The following PDE5A variants were observed in gnomAD, a reference collection of about 807,000 sequenced individuals.
The protein encoded by PDE5A is phosphodiesterase 5A.
PDE5A carries 67 observed loss-of-function variants against 110.2 expected under a neutral mutation model. The ratio of observed to expected loss-of-function variants is 0.61; its 90% CI spans 0.50 to 0.75. The LOEUF (loss-of-function observed/expected upper bound fraction) is 0.75, where lower values mean the gene tolerates loss of function less well. PDE5A is among the 30% of genes least tolerant of loss of function. The pLI, the probability that PDE5A is intolerant of heterozygous loss-of-function variation, is 0.00. For synonymous variants in PDE5A, 328 were observed against 351.2 expected (o/e 0.93, Z 0.74); for missense variants, 862 against 1,045.1 (o/e 0.82, Z 2.42).
chr4:119,543,342 G>A (rs1331787415), intron 9 of PDE5A: 1 of 152,012 alleles, frequency 6.6e-6, no homozygotes, highest in Non-Finnish European at 1.5e-5. Context: ...TGTGAGGAGT[G>A]ACCTCACAGA....
intron 3 of PDE5A, among the ~76,000 whole-genome samples, chr4:119,573,349 T>C (rs1728207926): frequency 1.3e-5 from 2 of 152,202 alleles, no homozygotes; most frequent in South Asian, 2.1e-4. Flanking sequence ...TCTGGTGTTA[T>C]CAGACTTTTT....
intron 9 of PDE5A, among the ~76,000 whole-genome samples, chr4:119,547,106 G>T (rs1578763090): frequency 8.2e-5 from 11 of 134,292 alleles, no homozygotes; most frequent in African/African-American, 1.1e-4. Flanking sequence ...TTGGGCAATA[G>T]TTTTTTTTTT....
At chr4:119,609,926 T>A (rs1001673526) in intron 1 of PDE5A, among the ~76,000 whole-genome samples, 12 of 152,154 alleles carry the variant, frequency 7.9e-5, no homozygotes, top group Admixed American at 3.3e-4. Flanking sequence ...AATTTAAAAA[T>A]ATCCAATGAG....
At chr4:119,561,415 T>G (rs565146659) in intron 6 of PDE5A, among the ~76,000 whole-genome samples, 68 of 152,326 alleles carry the variant, frequency 4.5e-4, no homozygotes, top group Non-Finnish European at 8.2e-4. Context: ...AAGCAAAATA[T>G]CTTAATAAGC....
intron 1 of PDE5A, among the ~76,000 whole-genome samples, chr4:119,618,409 C>T (rs1317478678): frequency 6.6e-6 from 1 of 151,942 alleles, no homozygotes; most frequent in African/African-American, 2.4e-5. Flanking sequence ...AATAACTTCT[C>T]TACAGAGGTA....
chr4:119,511,320 A>G (rs1385560158), intron 14 of PDE5A, among the ~76,000 whole-genome samples, 186 bp from the exon 15 acceptor site: 1 of 152,096 alleles, frequency 6.6e-6, no homozygotes, highest in Non-Finnish European at 1.5e-5. Flanking sequence ...AAAGAGTCAA[A>G]TTGTTTTCAA....
chr4:119,542,389 T>G, intron 10 of PDE5A, 70 bp downstream of exon 10: 1 of 1,411,188 alleles, frequency 7.1e-7, no homozygotes, highest in East Asian at 2.3e-5. Flanking sequence ...ACACCATGAG[T>G]GATTATGAGG....
chr4:119,505,510 T>A (rs1028081506), intron 17 of PDE5A, among the ~76,000 whole-genome samples: 5 of 151,948 alleles, frequency 3.3e-5, no homozygotes, highest in African/African-American at 1.2e-4. Context: ...ATTTTGCAGC[T>A]ATATCTTACT....
chr4:119,592,843 A>T (rs1206318547), intron 3 of PDE5A, among the ~76,000 whole-genome samples: 11 of 152,098 alleles, frequency 7.2e-5, no homozygotes, highest in Non-Finnish European at 1.6e-4. Context: ...GGTAAAACAG[A>T]CACCAGCAGG....
At chr4:119,505,548 G>T (rs1725521694) in intron 17 of PDE5A, among the ~76,000 whole-genome samples, 1 of 151,800 alleles carries the variant, frequency 6.6e-6, no homozygotes, top group African/African-American at 2.4e-5. Context: ...TCCATTTTCA[G>T]CACTTCCATT....
chr4:119,603,926 C>A (rs979054189), intron 2 of PDE5A, among the ~76,000 whole-genome samples: 3 of 152,116 alleles, frequency 2.0e-5, no homozygotes, highest in Non-Finnish European at 2.9e-5. Flanking sequence ...TGACTACTTT[C>A]AAAAAACATA....
rs780569076 is a variant in PDE5A, at chr4:119,607,157, G to C, written c.293C>G (p.Thr98Ser). The C allele has an allele frequency of 6.2e-7, 1 of 1,614,106 alleles. No homozygotes were observed. Among genetic ancestry groups the C allele is most frequent in the South Asian group, 1.1e-5 (1 of 91,082 alleles). The change falls in exon 2 of 21, where the codon ACC becomes AGC. Residue 98 changes from threonine (T) to serine (S), a missense_variant. Physicochemically the swap from Thr to Ser is moderately conservative, Grantham distance 58 (BLOSUM62 1). Transcript: ENST00000354960. ...AAATTCAGAGGCAGAGATTTTCCTG[G>C]TTGGTGTTCCAGGGGCACTGTTATC... ...RADNSAPGTP[T>S]RKISASEFDR...
intron 1 of PDE5A, 110 bp downstream of exon 1, chr4:119,628,410 A>G: frequency 1.2e-6 from 1 of 842,700 alleles, no homozygotes; most frequent in Non-Finnish European, 1.9e-6. Context: ...TCGTAACAGG[A>G]CCGAGGACCT....
At chr4:119,560,399 G>C in intron 6 of PDE5A, 36 bp from the exon 7 acceptor site, 1 of 1,436,196 alleles carries the variant, frequency 7.0e-7, no homozygotes, top group Non-Finnish European at 9.6e-7. Flanking sequence ...AAATAAGTTT[G>C]ACAAGGTAAT....
At chr4:119,506,073 A>T (rs1289933067) in intron 16 of PDE5A, 141 bp from the exon 17 acceptor site, 5 of 431,396 alleles carry the variant, frequency 1.2e-5, no homozygotes, top group Non-Finnish European at 2.1e-5. Flanking sequence ...CTATAAAATC[A>T]TCATTTACAA....
rs116765299 is a variant in PDE5A at position 119,498,177 on chromosome 4, T to C, written c.*424A>G. The C allele has an allele frequency of 8.9e-3, 1,394 of 156,294 alleles. 18 individuals carry two copies. Among genetic ancestry groups the C allele is most frequent in the African/African-American group, 0.032 (1,321 of 41,624 alleles). The allele number at this position is 156,294 out of a possible 1,614,324, so 9.7% of individuals were successfully genotyped here. A position where few individuals can be genotyped will look rare whatever the true frequency, so the allele number is the denominator to read the frequency against. ...AAGGCTTTAAATGTCACAGAATGTA[T>C]GATAATTTGCTCCTAACCTACTTTT... On this transcript the variant is annotated 3_prime_UTR_variant, in exon 21 of 21. Transcript: ENST00000354960.
chr4:119,495,490 A>G lies in PDE5A; in HGVS notation c.*3111T>C, dbSNP rs1725029078. The G allele has an allele frequency of 6.6e-6, 1 of 152,540 alleles. No homozygotes were observed. The highest frequency in any genetic ancestry group is 2.4e-5 in the African/African-American group (1 of 41,442). 9.4% of individuals were successfully genotyped at this position (152,540 alleles called of 1,614,324 possible). Reference sequence around the variant, plus strand: ...ATGGCCTGTTAAGTTTTAGGAGTACAATCTGGTGAAAAACACAGAAAAAAA... The same window carrying G: ...ATGGCCTGTTAAGTTTTAGGAGTACGATCTGGTGAAAAACACAGAAAAAAA... On this transcript the variant is annotated 3_prime_UTR_variant, in exon 21 of 21. Coordinates refer to ENST00000354960, the MANE Select transcript of PDE5A (RefSeq NM_001083.4).
intron 12 of PDE5A, among the ~76,000 whole-genome samples, chr4:119,522,654 C>T (rs188353549): frequency 8.6e-5 from 13 of 151,956 alleles, no homozygotes; most frequent in Non-Finnish European, 1.6e-4. Context: ...TTTATTAAGA[C>T]GGACCTAATA....
chr4:119,624,225 C>T (rs1166862652), intron 1 of PDE5A, among the ~76,000 whole-genome samples: 1 of 152,092 alleles, frequency 6.6e-6, no homozygotes, highest in Non-Finnish European at 1.5e-5. Flanking sequence ...CTAACAACTG[C>T]CTCACAAAAT....
Sources: allele counts gnomAD v4.1 joint callset (sites outside exome capture counted in the v4.1 genomes callset), GRCh38; gene constraint gnomAD v4.1.1; transcripts MANE v1.5; gene names NCBI Gene and HGNC (gene_info 2026-07-23, HGNC 2026-07-21).